The following RAD18 variants were observed in gnomAD, a reference collection of about 807,000 sequenced individuals.
The protein encoded by RAD18 is RAD18 E3 ubiquitin protein ligase.
In RAD18, 47 loss-of-function variants were observed where a neutral mutation model predicts 60.4. That is an observed-to-expected ratio of 0.78 (90% confidence interval 0.62 to 0.99). The LOEUF (loss-of-function observed/expected upper bound fraction) is 0.99, where lower values mean the gene tolerates loss of function less well. RAD18 is among the 50% of genes least tolerant of loss of function. The pLI, the probability that RAD18 is intolerant of heterozygous loss-of-function variation, is 0.00. For missense variants in RAD18, 640 were observed against 593.3 expected, an observed-to-expected ratio of 1.08 and a Z score of -0.82; for synonymous variants, 225 against 195.5, an observed-to-expected ratio of 1.15 and a Z score of -1.26.
chr3:8,936,490 A>C (rs902004056), intron 6 of RAD18, among the ~76,000 whole-genome samples: 2 of 152,240 alleles, frequency 1.3e-5, no homozygotes, highest in South Asian at 2.1e-4. Context: ...GACTTAAGCA[A>C]TTCCATAAAC....
intron 9 of RAD18, among the ~76,000 whole-genome samples, chr3:8,905,733 A>G (rs1466821649): frequency 2.6e-5 from 4 of 152,246 alleles, no homozygotes; most frequent in Non-Finnish European, 5.9e-5. Context: ...CAATACTGCT[A>G]TAAAACTCTT....
rs1055835600 is a variant in RAD18, at chr3:8,902,327, A to C, written c.1168+53T>G. Reference sequence around the variant, plus strand: ...TTCTTTGGTTTAATTTTTTCATATTAAAAGTAAATAATGAAATTCGACATA... The same window carrying C: ...TTCTTTGGTTTAATTTTTTCATATTCAAAGTAAATAATGAAATTCGACATA... On this transcript the variant is annotated intron_variant, in intron 10 of 12. Coordinates refer to ENST00000264926, the MANE Select transcript of RAD18 (RefSeq NM_020165.4). The C allele has an allele frequency of 2.9e-6, 4 of 1,389,760 alleles. No individual in the cohort carries two copies. In the African/African-American group the frequency reaches 6.0e-5, roughly 21 times the overall value. The allele number at this position is 1,389,760 out of a possible 1,614,324, so 86.1% of individuals were successfully genotyped here. A position where few individuals can be genotyped will look rare whatever the true frequency, so the allele number is the denominator to read the frequency against.
rs1313098794 is a variant in RAD18, at chr3:8,924,547, C to G, written c.890-10827G>C. On this transcript the variant is annotated intron_variant, in intron 7 of 12. Transcript: ENST00000264926. ...GGATATCCAGGAATTGAACTCAGCTCTGCACCAAGCAGACCTAATAGACAT... is the reference window on the plus strand; with the variant it reads ...GGATATCCAGGAATTGAACTCAGCTGTGCACCAAGCAGACCTAATAGACAT... Among the ~76,000 whole-genome samples, 6 of 139,832 alleles carry G rather than the reference C, an allele frequency of 4.3e-5. 1 individual carries two copies. The Admixed American group carries it at 4.4e-4, about 10-fold the overall frequency. 91.7% of individuals were successfully genotyped at this position (139,832 alleles called of 152,430 possible).
At chr3:8,904,737 G>A (rs545726132) in intron 9 of RAD18, among the ~76,000 whole-genome samples, 11 of 152,110 alleles carry the variant, frequency 7.2e-5, no homozygotes, top group African/African-American at 1.9e-4. Flanking sequence ...TCTATTAGGC[G>A]AGGGTGACAC....
At chr3:8,895,032 G>C (rs1415052214) in intron 11 of RAD18, among the ~76,000 whole-genome samples, 2 of 152,030 alleles carry the variant, frequency 1.3e-5, no homozygotes, top group African/African-American at 4.8e-5. Context: ...TGGGATTACA[G>C]GTGTGAGCCA....
intron 3 of RAD18, 68 bp downstream of exon 3, chr3:8,948,441 T>C: frequency 1.5e-6 from 2 of 1,373,570 alleles, no homozygotes; most frequent in Admixed American, 1.7e-5. Flanking sequence ...CACAGGCTTT[T>C]ACGTATACAC....
chr3:8,884,299 G>A (rs971368265), intron 12 of RAD18, among the ~76,000 whole-genome samples: 5 of 152,120 alleles, frequency 3.3e-5, no homozygotes, highest in African/African-American at 1.2e-4. Flanking sequence ...GCTGCTTTTG[G>A]TTAATTTTCA....
chr3:8,944,067 GAAAT>G (rs1940800100), intron 4 of RAD18, among the ~76,000 whole-genome samples: 1 of 151,942 alleles, frequency 6.6e-6, no homozygotes, highest in Admixed American at 6.6e-5. Flanking sequence ...GACTGAACAA[GAAAT>G]AAATGAGAGA....
At chr3:8,892,592 A>C (rs894288032) in intron 11 of RAD18, among the ~76,000 whole-genome samples, 2 of 152,192 alleles carry the variant, frequency 1.3e-5, no homozygotes, top group Non-Finnish European at 2.9e-5. Context: ...GTGCATGCAC[A>C]CACACATGCA....
At chr3:8,886,603 C>T (rs1939569703) in intron 12 of RAD18, among the ~76,000 whole-genome samples, 1 of 152,204 alleles carries the variant, frequency 6.6e-6, no homozygotes, top group Non-Finnish European at 1.5e-5. Context: ...GCTGCCCAGG[C>T]ACAGTGCTAG....
At chr3:8,913,520 C>G (rs1473368088) in intron 8 of RAD18, 124 bp downstream of exon 8, 11 of 643,212 alleles carry the variant, frequency 1.7e-5, no homozygotes, top group Non-Finnish European at 2.7e-5. Context: ...GCAAGTAAAT[C>G]ATAATACACT....
intron 7 of RAD18, among the ~76,000 whole-genome samples, chr3:8,931,022 C>A (rs1292514443): frequency 6.6e-6 from 1 of 151,848 alleles, no homozygotes; most frequent in Non-Finnish European, 1.5e-5. Flanking sequence ...ATGCAACTAA[C>A]CAAGGGTAGA....
intron 6 of RAD18, among the ~76,000 whole-genome samples, chr3:8,936,907 G>A (rs1373625760): frequency 6.6e-6 from 1 of 151,876 alleles, no homozygotes; most frequent in Non-Finnish European, 1.5e-5. Flanking sequence ...GATATAAACG[G>A]TCCAATAATC....
intron 2 of RAD18, among the ~76,000 whole-genome samples, chr3:8,952,004 C>T (rs1041912450): frequency 6.6e-6 from 1 of 152,300 alleles, no homozygotes. Flanking sequence ...CACTAGGGCT[C>T]CACTGTCAGG....
chr3:8,925,728 T>A (rs1199320353), intron 7 of RAD18, among the ~76,000 whole-genome samples: 1 of 152,200 alleles, frequency 6.6e-6, no homozygotes, highest in African/African-American at 2.4e-5. Flanking sequence ...CAAGTGGGCT[T>A]CATCCCTGGG....
chr3:8,912,409 C>T, intron 8 of RAD18, 37 bp from the exon 9 acceptor site: 1 of 1,385,202 alleles, frequency 7.2e-7, no homozygotes, highest in Middle Eastern at 1.8e-4. Flanking sequence ...TAAAAATCTC[C>T]CCAAAATGAC....
At chr3:8,912,272 C>T in intron 9 of RAD18, 40 bp downstream of exon 9, 2 of 1,409,348 alleles carry the variant, frequency 1.4e-6, no homozygotes, top group Non-Finnish European at 1.9e-6. Context: ...AAAACAGCAA[C>T]TGAAGCTCTT....
At chr3:8,920,020 C>T (rs555998682) in intron 7 of RAD18, among the ~76,000 whole-genome samples, 2 of 152,316 alleles carry the variant, frequency 1.3e-5, no homozygotes, top group East Asian at 1.9e-4. Flanking sequence ...CAGTGGCTCA[C>T]GCCTGTAATC....
rs780525770 is a variant in RAD18, at chr3:8,958,982, C to T, written c.71G>A (p.Arg24Gln). The stretch of plus-strand genomic sequence containing the variant: ...GAAATACTCGAAGCAAATTCCACAC[C>T]GCAGCAAATCATCTATTGTCTGAAA... ...AVMKTIDDLL[R>Q]CGICFEYFNI... The change falls in exon 2 of 13, where the codon CGG (arginine) becomes CAG (glutamine). Residue 24 changes from arginine (R) to glutamine (Q), a missense_variant. Coordinates refer to ENST00000264926, the MANE Select transcript of RAD18 (RefSeq NM_020165.4). 3.7e-6 allele frequency: 6 copies of T among 1,613,422 alleles called. No homozygotes were observed. The highest frequency in any genetic ancestry group is 5.1e-6 in the Non-Finnish European group (6 of 1,179,526).
Sources: allele counts gnomAD v4.1 joint callset (sites outside exome capture counted in the v4.1 genomes callset), GRCh38; gene constraint gnomAD v4.1.1; transcripts MANE v1.5; gene names NCBI Gene and HGNC (gene_info 2026-07-23, HGNC 2026-07-21).